TRAPPC11: variants seen among roughly 807,000 people sequenced by gnomAD.
The protein encoded by TRAPPC11 is trafficking protein particle complex subunit 11, also known as foie gras homolog.
Under a neutral mutation model 151.2 loss-of-function variants are expected in TRAPPC11, and 104 were observed. The observed-to-expected ratio is 0.69, with a 90% confidence interval of 0.59 to 0.81. The LOEUF (loss-of-function observed/expected upper bound fraction) is 0.81, where lower values mean the gene tolerates loss of function less well. Ranked by LOEUF, TRAPPC11 falls within the 30% of genes least tolerant of loss-of-function variation. TRAPPC11 has a pLI of 0.00. For synonymous variants in TRAPPC11, 456 were observed against 472.3 expected (o/e 0.97, Z 0.45); for missense variants, 1,230 against 1,349.6 (o/e 0.91, Z 1.39).
chr4:183,665,045 A>G (rs915816413), intron 2 of TRAPPC11, among the ~76,000 whole-genome samples: 2 of 150,752 alleles, frequency 1.3e-5, no homozygotes, highest in Admixed American at 6.6e-5. Context: ...TGTGCAAGTA[A>G]TAGCATCCCA....
chr4:183,679,662 T>C (rs549553650), intron 9 of TRAPPC11, among the ~76,000 whole-genome samples, 176 bp downstream of exon 9: 1 of 152,360 alleles, frequency 6.6e-6, no homozygotes, highest in East Asian at 1.9e-4. Context: ...ATACAGTTCC[T>C]TAATGGGAAT....
At chr4:183,663,601 T>C (rs1734676149) in intron 1 of TRAPPC11, among the ~76,000 whole-genome samples, 1 of 152,084 alleles carries the variant, frequency 6.6e-6, no homozygotes, top group South Asian at 2.1e-4. Context: ...ACTCCTGGCC[T>C]CCAGTGATCC....
chr4:183,688,780 C>CT (rs1736112988), intron 18 of TRAPPC11, among the ~76,000 whole-genome samples: 1 of 152,066 alleles, frequency 6.6e-6, no homozygotes, highest in African/African-American at 2.4e-5. Flanking sequence ...AGGCTGCACT[C>CT]TATCTCCCAG....
Position 183,685,313 on chromosome 4 carries a change from G to A in TRAPPC11, c.1672G>A (p.Val558Met), listed in dbSNP as rs1162377602. ...DPEPDCDILA[V>M]KTAQKLWADR... ...AGAACCCGACTGTGATATCTTAGCT[G>A]TGAAAACTGCTCAGAAGCTGTGGGC... The change falls in exon 17 of 30, where the codon GTG becomes ATG. Residue 558 changes from valine (V) to methionine (M), a missense_variant. By Grantham distance (21) the Val-to-Met change is conservative. Transcript: ENST00000334690. 1 of 1,614,112 alleles carries A rather than the reference G, an allele frequency of 6.2e-7. No homozygotes were observed. The highest frequency in any genetic ancestry group is 8.5e-7 in the Non-Finnish European group (1 of 1,179,982).
chr4:183,672,677 A>G (rs543372967), intron 5 of TRAPPC11, among the ~76,000 whole-genome samples: 1 of 152,324 alleles, frequency 6.6e-6, no homozygotes, highest in South Asian at 2.1e-4. Context: ...TGTATCCCTC[A>G]GTTTAGAGGA....
chr4:183,664,578 G>A (rs975674766), intron 2 of TRAPPC11, among the ~76,000 whole-genome samples: 2 of 152,084 alleles, frequency 1.3e-5, no homozygotes, highest in Admixed American at 6.6e-5. Flanking sequence ...ATGAAGAAAG[G>A]TATTAAGTTC....
At chr4:183,711,786 C>T (rs1737352861) in intron 29 of TRAPPC11, among the ~76,000 whole-genome samples, 1 of 151,550 alleles carries the variant, frequency 6.6e-6, no homozygotes, top group South Asian at 2.1e-4. Flanking sequence ...TCTTCTGTTT[C>T]ATTTCCTGAT....
intron 25 of TRAPPC11, 63 bp from the exon 26 acceptor site, chr4:183,701,634 T>G: frequency 9.2e-7 from 1 of 1,092,370 alleles, no homozygotes; most frequent in Non-Finnish European, 1.4e-6. Context: ...GTTACTTGGA[T>G]GTGAAACTCT....
chr4:183,710,639 G>T (rs1490726899), intron 29 of TRAPPC11, among the ~76,000 whole-genome samples: 1 of 151,940 alleles, frequency 6.6e-6, no homozygotes, highest in Non-Finnish European at 1.5e-5. Context: ...ATCCTTTTCT[G>T]AGTACAGATA....
chr4:183,690,280 G>A (rs1054676611), intron 18 of TRAPPC11, among the ~76,000 whole-genome samples: 22 of 152,204 alleles, frequency 1.4e-4, no homozygotes, highest in Admixed American at 6.5e-5. Flanking sequence ...GAAAATTGGC[G>A]GGAAAGTATA....
intron 5 of TRAPPC11, among the ~76,000 whole-genome samples, chr4:183,670,746 C>G (rs1262390288): frequency 6.6e-6 from 1 of 152,106 alleles, no homozygotes; most frequent in Non-Finnish European, 1.5e-5. Flanking sequence ...GCTGGGACTA[C>G]AGGCATGCAC....
At chr4:183,680,591 C>T (rs1348932896) in intron 10 of TRAPPC11, among the ~76,000 whole-genome samples, 2 of 150,942 alleles carry the variant, frequency 1.3e-5, no homozygotes, top group African/African-American at 4.9e-5. Flanking sequence ...ATGATCACTG[C>T]TGTAAAAGTT....
At chr4:183,702,970 G>T (rs1465113732) in intron 26 of TRAPPC11, among the ~76,000 whole-genome samples, 5 of 152,012 alleles carry the variant, frequency 3.3e-5, no homozygotes, top group Admixed American at 3.3e-4. Context: ...ATTGACTAAA[G>T]GAAAAATTTT....
At chr4:183,706,680 C>G in intron 27 of TRAPPC11, 127 bp from the exon 28 acceptor site, 2 of 1,010,976 alleles carry the variant, frequency 2.0e-6, no homozygotes, top group Non-Finnish European at 2.8e-6. Flanking sequence ...TCTTATCCGG[C>G]AAGAGTACAG....
chr4:183,710,831 C>A (rs1737307811), intron 29 of TRAPPC11, among the ~76,000 whole-genome samples: 1 of 151,534 alleles, frequency 6.6e-6, no homozygotes, highest in Admixed American at 6.6e-5. Context: ...GAGTTCGAGA[C>A]CAGCCTAGTT....
At chr4:183,669,994 T>C (rs932667864) in intron 5 of TRAPPC11, among the ~76,000 whole-genome samples, 5 of 152,344 alleles carry the variant, frequency 3.3e-5, no homozygotes, top group East Asian at 3.9e-4. Context: ...AGCATGTGGA[T>C]ACAAGATGGG....
intron 25 of TRAPPC11, 194 bp from the exon 26 acceptor site, chr4:183,701,503 T>C: frequency 1.9e-6 from 1 of 518,460 alleles, no homozygotes; most frequent in Non-Finnish European, 3.4e-6. Context: ...GATGGAATAT[T>C]GGTACATTAG....
intron 17 of TRAPPC11, 104 bp downstream of exon 17, chr4:183,685,507 A>G: frequency 7.5e-7 from 1 of 1,337,156 alleles, no homozygotes; most frequent in Non-Finnish European, 1.0e-6. Flanking sequence ...AGAGTTTTCA[A>G]AGTATAATCA....
rs759142358 is a variant in TRAPPC11 at position 183,677,483 on chromosome 4, G to A, written c.760G>A (p.Val254Ile). 2 of 1,608,108 alleles carry A rather than the reference G, an allele frequency of 1.2e-6. No individual in the cohort carries two copies. Among genetic ancestry groups the A allele is most frequent in the East Asian group, 2.2e-5 (1 of 44,756 alleles). ...GAATTATAGGACCGCCTATAATCTT[G>A]TACACGAATTGAGAGCCCATGAAAC... ...LKNYRTAYNL[V>I]HELRAHETNI... is the part of the protein sequence containing the mutation. Residue 254 changes from valine to isoleucine, a missense_variant, in exon 8 of 30, where the codon GTA (valine) becomes ATA (isoleucine). Physicochemically the swap from Val to Ile is conservative, Grantham distance 29 (BLOSUM62 3). Transcript: ENST00000334690.
Sources: allele counts gnomAD v4.1 joint callset (sites outside exome capture counted in the v4.1 genomes callset), GRCh38; gene constraint gnomAD v4.1.1; transcripts MANE v1.5; gene names NCBI Gene and HGNC (gene_info 2026-07-23, HGNC 2026-07-21).